Variants in SH3BGR observed in about 807,000 individuals in gnomAD.
The protein encoded by SH3BGR is SH3 domain binding glutamate rich protein.
A neutral mutation model predicts 24.5 loss-of-function variants in SH3BGR; 29 were observed. That is an observed-to-expected ratio of 1.18 (90% confidence interval 0.88 to 1.61). SH3BGR has a LOEUF of 1.61. Among genes scored for constraint, SH3BGR ranks in the 40% most tolerant of loss-of-function variants. SH3BGR has a pLI of 0.00. For synonymous variants in SH3BGR, 55 were observed against 65.7 expected (o/e 0.84, Z 0.79); for missense variants, 162 against 205.8 (o/e 0.79, Z 1.30).
At chr21:39,459,915 T>C (rs1385780871) in intron 1 of SH3BGR, among the ~76,000 whole-genome samples, 2 of 152,150 alleles carry the variant, frequency 1.3e-5, no homozygotes, top group African/African-American at 4.8e-5. Context: ...TAAAATGGGG[T>C]CCACACAGTC....
At chr21:39,457,631 C>T (rs983655602) in intron 1 of SH3BGR, among the ~76,000 whole-genome samples, 1 of 150,976 alleles carries the variant, frequency 6.6e-6, no homozygotes, top group African/African-American at 2.4e-5. Context: ...CTTACCTTTC[C>T]TTATATTATG....
chr21:39,448,272 C>A (rs1017229683), upstream of SH3BGR, among the ~76,000 whole-genome samples: 1 of 152,130 alleles, frequency 6.6e-6, no homozygotes, highest in Admixed American at 6.5e-5. Context: ...TTTTGGTGAA[C>A]AATATTCAAC....
chr21:39,491,027 C>T lies in SH3BGR; in HGVS notation c.313-8796C>T, dbSNP rs575095422. Reference sequence around the variant, plus strand: ...GATTACAGGCATGAGCCACTGCACCCGGCTGGTCTTGAGCATTTTAATTCA... The same window carrying T: ...GATTACAGGCATGAGCCACTGCACCTGGCTGGTCTTGAGCATTTTAATTCA... On this transcript the variant is annotated intron_variant, in intron 3 of 6. Transcript: ENST00000333634. Among the ~76,000 whole-genome samples, 190 of 152,188 alleles carry T rather than the reference C, an allele frequency of 1.2e-3. 3 individuals are homozygous for T. The highest frequency in any genetic ancestry group is 2.0e-3 in the Non-Finnish European group (134 of 67,996).
chr21:39,445,893 G>A (rs115868939), upstream of SH3BGR: 3 of 152,480 alleles, frequency 2.0e-5, no homozygotes, highest in African/African-American at 4.8e-5. Context: ...GGGCCTGGAG[G>A]TCAGTGTGGC....
chr21:39,499,892 C>T lies in SH3BGR; in HGVS notation c.382C>T (p.Leu128Phe), dbSNP rs2078464721. The T allele has an allele frequency of 1.2e-6, 2 of 1,613,000 alleles. 1 individual carries two copies. The highest frequency in any genetic ancestry group is 2.7e-5 in the African/African-American group (2 of 75,008). ...QKEGSEDVGN[L>F]PEAQEKNEEE... ...AGAGGGCAGTGAAGATGTGGGCAAC[C>T]TCCCTGAAGCCCAGGAGAAGAATGT... is the stretch of plus-strand genomic sequence containing the variant. The change falls in exon 4 of 7, where the codon CTC becomes TTC. Residue 128 changes from leucine (L) to phenylalanine (F), a missense_variant. Coordinates refer to ENST00000333634, the MANE Select transcript of SH3BGR (RefSeq NM_007341.3).
intron 5 of SH3BGR, among the ~76,000 whole-genome samples, chr21:39,509,397 G>C (rs1471214747): frequency 6.6e-6 from 1 of 151,550 alleles, no homozygotes; most frequent in East Asian, 1.9e-4. Context: ...ATGGTGGTTA[G>C]TGGTGTTTTC....
At position 39,511,706 on chromosome 21, in the gene SH3BGR, G is replaced by C. The variant is rs748178786; in HGVS notation, c.462G>C (p.Ala154=). The change falls in exon 6 of 7, where the codon GCG becomes GCC. Residue 154 remains alanine, a synonymous_variant. Transcript: ENST00000333634. This position sits in a 1 kb window ranked among gnomAD's most constrained non-coding sequence, Gnocchi z 4.2. ...CGGAAGAAATAGCCATGGAGGGTGC[G>C]GAAGGGGAAGCCGAGGAGGAGGAAG... ...EETEEIAMEG[A]EGEAEEEEET... is the part of the protein sequence containing the mutation. 3.7e-6 allele frequency: 6 copies of C among 1,609,444 alleles called. No homozygotes were observed. The highest frequency in any genetic ancestry group is 4.2e-6 in the Non-Finnish European group (5 of 1,178,776).
intron 3 of SH3BGR, among the ~76,000 whole-genome samples, chr21:39,493,415 C>G (rs552102008): frequency 6.6e-6 from 1 of 152,194 alleles, no homozygotes; most frequent in East Asian, 1.9e-4. Context: ...TGTCAAAGAT[C>G]GTTGGCTGTA....
At chr21:39,469,637 TTA>T (rs902377721) in intron 2 of SH3BGR, among the ~76,000 whole-genome samples, 8 of 110,632 alleles carry the variant, frequency 7.2e-5, no homozygotes, top group African/African-American at 1.6e-4. Context: ...TTTCTTTTTT[TTA>T]AATTTAATTT....
At chr21:39,482,748 C>A (rs1165865654) in intron 3 of SH3BGR, among the ~76,000 whole-genome samples, 1 of 152,114 alleles carries the variant, frequency 6.6e-6, no homozygotes, top group South Asian at 2.1e-4. Context: ...CAGCTCACTG[C>A]GACCTCTGCC....
chr21:39,450,714 A>G (rs2077563893), upstream of SH3BGR, among the ~76,000 whole-genome samples: 1 of 152,186 alleles, frequency 6.6e-6, no homozygotes, highest in Non-Finnish European at 1.5e-5. Context: ...CTTGATTTTG[A>G]AATCTATCAG....
At chr21:39,498,798 A>G (rs2078441262) in intron 3 of SH3BGR, among the ~76,000 whole-genome samples, 1 of 152,078 alleles carries the variant, frequency 6.6e-6, no homozygotes, top group African/African-American at 2.4e-5. Flanking sequence ...TCTATCTATT[A>G]TCTATTCATC....
intron 3 of SH3BGR, among the ~76,000 whole-genome samples, chr21:39,481,306 A>G (rs1382616589): frequency 6.6e-6 from 1 of 152,172 alleles, no homozygotes; most frequent in Non-Finnish European, 1.5e-5. Flanking sequence ...TCTCAAAAAC[A>G]AACAAAAACA....
intron 3 of SH3BGR, among the ~76,000 whole-genome samples, chr21:39,484,671 T>C (rs1487463414): frequency 6.6e-6 from 1 of 152,162 alleles, no homozygotes; most frequent in African/African-American, 2.4e-5. Context: ...CCAGTCCAGA[T>C]TCTTCTCTTC....
chr21:39,471,414 T>C (rs2077938371), intron 2 of SH3BGR, among the ~76,000 whole-genome samples: 1 of 152,050 alleles, frequency 6.6e-6, no homozygotes, highest in Admixed American at 6.6e-5. Flanking sequence ...AGACCTTGTC[T>C]CAAACAATTA....
intron 4 of SH3BGR, among the ~76,000 whole-genome samples, chr21:39,502,730 G>GC: frequency 6.6e-6 from 1 of 152,234 alleles, no homozygotes; most frequent in Non-Finnish European, 1.5e-5. Context: ...CTGGTTGTCT[G>GC]TGGTGGTGTT....
chr21:39,471,618 GTTTA>G lies in SH3BGR; in HGVS notation c.232-3506_232-3503del, dbSNP rs546236878. Among the ~76,000 whole-genome samples the G allele has an allele frequency of 3.0e-3, 355 of 119,112 alleles. 1 individual carries two copies. The highest frequency in any genetic ancestry group is 0.023 in the Middle Eastern group (6 of 260). 78.1% of individuals were successfully genotyped at this position (119,112 alleles called of 152,430 possible). On this transcript the variant is annotated intron_variant, in intron 2 of 6. Coordinates refer to ENST00000333634, the MANE Select transcript of SH3BGR (RefSeq NM_007341.3). ...TTATTTGTTGTTTGTTTGTTTGTTT[GTTTA>G]TTTATTTATTATTTTTAAAAATAGA...
chr21:39,478,992 C>T (rs1173761528), intron 3 of SH3BGR, among the ~76,000 whole-genome samples: 1 of 152,150 alleles, frequency 6.6e-6, no homozygotes, highest in Non-Finnish European at 1.5e-5. Context: ...TCTGTTTCTT[C>T]TCTGTTTGCT....
chr21:39,462,618 A>C, intron 2 of SH3BGR, 58 bp downstream of exon 2: 2 of 1,271,654 alleles, frequency 1.6e-6, no homozygotes, highest in Non-Finnish European at 1.1e-6. Context: ...GAAATTTTCT[A>C]AAGCAGATTA....
Sources: allele counts gnomAD v4.1 joint callset (sites outside exome capture counted in the v4.1 genomes callset), GRCh38; gene constraint gnomAD v4.1.1; non-coding constraint Gnocchi (gnomAD v3.1); transcripts MANE v1.5; gene names NCBI Gene and HGNC (gene_info 2026-07-23, HGNC 2026-07-21).